TRIP12: variants seen among roughly 807,000 people sequenced by gnomAD.
TRIP12 encodes E3 ubiquitin-protein ligase TRIP12.
TRIP12 carries 25 observed loss-of-function variants against 244.2 expected under a neutral mutation model. The observed-to-expected ratio is 0.10, with a 90% CI of 0.07 to 0.14. TRIP12 has a LOEUF of 0.14. Ranked by LOEUF, TRIP12 falls within the 10% of genes least tolerant of loss-of-function variation. TRIP12 has a pLI of 1.00. For missense variants in TRIP12, 1,677 were observed against 2,486.4 expected (o/e 0.67, Z 6.92); for synonymous variants, 905 against 873.1 (o/e 1.04, Z -0.64).
chr2:229,913,612 T>G (rs2074769961), intron 1 of TRIP12, among the ~76,000 whole-genome samples: 4 of 152,188 alleles, frequency 2.6e-5, no homozygotes, highest in Admixed American at 2.6e-4. Flanking sequence ...AAATTTATAT[T>G]CTACACTCAG....
In TRIP12 at chr2:229,877,580, T is replaced by C. The variant is rs145788989; in HGVS notation, c.98+2402A>G. ...TTTTAATCTACATAACACTGATATA[T>C]AGAAAAAATGACCATGCTGAAACAC... On this transcript the variant is annotated intron_variant, in intron 2 of 41. Transcript: ENST00000675903. Among the ~76,000 whole-genome samples the C allele has an allele frequency of 2.9e-3, 447 of 152,242 alleles. 2 individuals are homozygous for C. Among genetic ancestry groups the C allele is most frequent in the African/African-American group, 0.01 (427 of 41,532 alleles).
chr2:229,813,660 T>G lies in TRIP12; in HGVS notation c.1986+210A>C, dbSNP rs796475250. On this transcript the variant is annotated intron_variant, in intron 13 of 41. Transcript: ENST00000675903. Reference sequence around the variant, plus strand: ...TGAGCTGGGTGTGGTGGCACACGCCTGTAATCCCAGCTACTCGGGAAGCTG... The same window carrying G: ...TGAGCTGGGTGTGGTGGCACACGCCGGTAATCCCAGCTACTCGGGAAGCTG... 5.3e-5 allele frequency among the ~76,000 whole-genome samples: 8 copies of G among 152,192 alleles called. No homozygotes were observed. The East Asian group carries it at 1.4e-3, about 26-fold the overall frequency.
chr2:229,807,967 G>C lies in TRIP12; in HGVS notation c.2340-103C>G, dbSNP rs545109634. The C allele has an allele frequency of 8.8e-5, 115 of 1,304,896 alleles. 1 individual carries two copies. The South Asian group carries it at 1.6e-3, about 18-fold the overall frequency. 80.8% of individuals were successfully genotyped at this position (1,304,896 alleles called of 1,614,324 possible). On this transcript the variant is annotated intron_variant, in intron 16 of 41. Coordinates refer to ENST00000675903, the MANE Select transcript of TRIP12 (RefSeq NM_001348323.3). ...TCACACAAACCAAAAGTTGTATTTA[G>C]ACCAATTTTTTTTTTGGAGACAGAG...
chr2:229,791,344 A>G, intron 29 of TRIP12, 93 bp from the exon 30 acceptor site: 6 of 1,414,654 alleles, frequency 4.2e-6, no homozygotes, highest in Non-Finnish European at 5.9e-6. Context: ...TTACCAGAAG[A>G]CTGTTCTGAG....
chr2:229,895,166 A>C (rs573142891), intron 1 of TRIP12, among the ~76,000 whole-genome samples: 1 of 152,356 alleles, frequency 6.6e-6, no homozygotes, highest in South Asian at 2.1e-4. Flanking sequence ...AAAAACTATT[A>C]AATGTTACAT....
chr2:229,906,871 A>G (rs1002055864), intron 1 of TRIP12, among the ~76,000 whole-genome samples: 1 of 152,206 alleles, frequency 6.6e-6, no homozygotes, highest in Non-Finnish European at 1.5e-5. Flanking sequence ...AAATAAAGAC[A>G]TCAAAAAATG....
chr2:229,816,687 T>A (rs2048582141), intron 9 of TRIP12, among the ~76,000 whole-genome samples: 1 of 152,232 alleles, frequency 6.6e-6, no homozygotes, highest in African/African-American at 2.4e-5. Context: ...GAATTATGTG[T>A]CAACATTTCT....
chr2:229,908,052 C>T (rs1390139814), intron 1 of TRIP12, among the ~76,000 whole-genome samples: 1 of 152,060 alleles, frequency 6.6e-6, no homozygotes, highest in African/African-American at 2.4e-5. Context: ...ACCCACTTCA[C>T]TAAACTTATC....
intron 27 of TRIP12, among the ~76,000 whole-genome samples, chr2:229,792,629 A>G (rs2154260502): frequency 6.6e-6 from 1 of 152,318 alleles, no homozygotes; most frequent in East Asian, 1.9e-4. Flanking sequence ...CAGATTCTGG[A>G]GCGTTTTGCA....
rs182007693 is a variant in TRIP12, at chr2:229,905,800, G to A, written c.-50+16080C>T. Reference sequence around the variant, plus strand: ...CAAGACGCCCACCAATCAGAGCAAGGAGAGAACACATGCACTGCACAAAGC... The same window carrying A: ...CAAGACGCCCACCAATCAGAGCAAGAAGAGAACACATGCACTGCACAAAGC... On this transcript the variant is annotated intron_variant, in intron 1 of 41. Transcript: ENST00000675903. Among the ~76,000 whole-genome samples, 421 of 152,198 alleles carry A rather than the reference G, an allele frequency of 2.8e-3. 7 individuals carry two copies. The highest frequency in any genetic ancestry group is 3.7e-3 in the Non-Finnish European group (254 of 68,012).
At chr2:229,917,457 T>G (rs2154382331) in intron 1 of TRIP12, among the ~76,000 whole-genome samples, 1 of 139,594 alleles carries the variant, frequency 7.2e-6, no homozygotes, top group South Asian at 2.2e-4. Context: ...AATCTAAAAA[T>G]TATATTTATT....
intron 18 of TRIP12, among the ~76,000 whole-genome samples, chr2:229,804,799 A>G (rs1427207393): frequency 3.3e-5 from 5 of 152,198 alleles, no homozygotes; most frequent in Non-Finnish European, 7.3e-5. Flanking sequence ...TTGTTCACAT[A>G]TTGTATATGG....
Position 229,855,189 on chromosome 2 carries a change from C to T in TRIP12, c.1027+3583G>A, listed in dbSNP as rs564734974. 3.9e-5 allele frequency among the ~76,000 whole-genome samples: 6 copies of T among 152,244 alleles called. No homozygotes were observed. The South Asian group carries it at 1.2e-3, about 32-fold the overall frequency. On this transcript the variant is annotated intron_variant, in intron 4 of 41. Coordinates refer to ENST00000675903, the MANE Select transcript of TRIP12 (RefSeq NM_001348323.3). ...GGCTGAGATAGGAGAATCACTTGAA[C>T]CCAGCAGGCAGAGACTGCAGTAAGC...
intron 1 of TRIP12, among the ~76,000 whole-genome samples, chr2:229,906,975 T>A (rs566290294): frequency 6.6e-6 from 1 of 152,302 alleles, no homozygotes; most frequent in African/African-American, 2.4e-5. Context: ...CACCTGAACC[T>A]AAATCAAATT....
intron 4 of TRIP12, among the ~76,000 whole-genome samples, chr2:229,845,084 G>A (rs1481176392): frequency 6.6e-6 from 1 of 152,136 alleles, no homozygotes; most frequent in Non-Finnish European, 1.5e-5. Flanking sequence ...CTTAAATGTT[G>A]ATATATAAAT....
At chr2:229,808,531 G>T (rs1461450086) in intron 15 of TRIP12, among the ~76,000 whole-genome samples, 162 bp from the exon 16 acceptor site, 1 of 152,086 alleles carries the variant, frequency 6.6e-6, no homozygotes, top group African/African-American at 2.4e-5. Flanking sequence ...CTGTAATAAA[G>T]GCCTAAAAAA....
At chr2:229,909,153 G>C (rs1487508924) in intron 1 of TRIP12, among the ~76,000 whole-genome samples, 3 of 150,478 alleles carry the variant, frequency 2.0e-5, no homozygotes, top group Non-Finnish European at 4.4e-5. Context: ...CTCCCTTTAA[G>C]ACTGTAAACT....
Position 229,804,136 on chromosome 2 carries a change from A to G in TRIP12, c.2742T>C (p.Phe914=). ...AACTATACACTTCATAAAGAACACC[A>G]AATAATGTCTTAATAAAAGACTTAG... The part of the protein sequence containing the change: ...ELAKSFIKTL[F]GVLYEVYSSS... The change falls in exon 19 of 42, where the codon TTT becomes TTC. Residue 914 remains phenylalanine, a synonymous_variant. Coordinates refer to ENST00000675903, the MANE Select transcript of TRIP12 (RefSeq NM_001348323.3). 1 of 1,614,148 alleles carries G rather than the reference A, an allele frequency of 6.2e-7. No homozygotes were observed. The highest frequency in any genetic ancestry group is 1.3e-5 in the African/African-American group (1 of 75,052).
At position 229,774,136 on chromosome 2, in the gene TRIP12, A is replaced by T; in HGVS notation, c.5655T>A (p.Asp1885Glu). The T allele has an allele frequency of 1.2e-6, 2 of 1,614,098 alleles. No homozygotes were observed. Among genetic ancestry groups the T allele is most frequent in the Admixed American group, 3.3e-5 (2 of 60,014 alleles). The change falls in exon 38 of 42, where the codon GAT becomes GAA. Residue 1885 changes from aspartate to glutamate, a missense_variant. Physicochemically the swap from Asp to Glu is conservative, Grantham distance 45 (BLOSUM62 2). Coordinates refer to ENST00000675903, the MANE Select transcript of TRIP12 (RefSeq NM_001348323.3). ...CTAAATTGTGGATAGTGACTGGTATATCCTTCCCTCCTTTCTTCAGTTCGA... is the reference window on the plus strand; with the variant it reads ...CTAAATTGTGGATAGTGACTGGTATTTCCTTCCCTCCTTTCTTCAGTTCGA... ...PNIELKKGGK[D>E]IPVTIHNLEE...
Sources: allele counts gnomAD v4.1 joint callset (sites outside exome capture counted in the v4.1 genomes callset), GRCh38; gene constraint gnomAD v4.1.1; transcripts MANE v1.5; gene names NCBI Gene and HGNC (gene_info 2026-07-23, HGNC 2026-07-21).